TSPAN15: variants seen among roughly 807,000 people sequenced by gnomAD.
The protein encoded by TSPAN15 is tetraspanin 15.
In TSPAN15, 20 loss-of-function variants were observed where a neutral mutation model predicts 34.5. The observed-to-expected ratio is 0.58, with a 90% CI of 0.41 to 0.84. The LOEUF (loss-of-function observed/expected upper bound fraction) is 0.84, where lower values mean the gene tolerates loss of function less well. TSPAN15 is among the 40% of genes least tolerant of loss of function. The probability of loss-of-function intolerance (pLI) is 0.00; values close to 1 mark genes in which losing one functional copy is unlikely to be tolerated. For synonymous variants in TSPAN15, 155 were observed against 153.9 expected, an observed-to-expected ratio of 1.01 and a Z score of -0.05; for missense variants, 313 against 386.1, an observed-to-expected ratio of 0.81 and a Z score of 1.59.
chr10:69,474,410 G>T (rs891474297), intron 1 of TSPAN15, among the ~76,000 whole-genome samples: 1 of 152,132 alleles, frequency 6.6e-6, no homozygotes, highest in Non-Finnish European at 1.5e-5. Flanking sequence ...GATGGGCTCC[G>T]AAAGGCTGCC....
At chr10:69,522,582 T>A in the TSPAN15 span, among the ~76,000 whole-genome samples, 2 of 146,204 alleles carry the variant, frequency 1.4e-5, 1 homozygote, top group East Asian at 5.1e-4. Flanking sequence ...CAGCAGGAGG[T>A]GAGCAGCGGG....
chr10:69,456,049 T>C (rs1841100665), intron 1 of TSPAN15, among the ~76,000 whole-genome samples: 1 of 152,172 alleles, frequency 6.6e-6, no homozygotes, highest in South Asian at 2.1e-4. Flanking sequence ...GTGACACCAA[T>C]TGTAATATTA....
At chr10:69,543,853 GTGTGTGTGTGTGTGTGT>G in the TSPAN15 span, among the ~76,000 whole-genome samples, 1 of 88,466 alleles carries the variant, frequency 1.1e-5, no homozygotes, top group African/African-American at 5.0e-5. Flanking sequence ...GAGTGTGTGT[GTGTGTGTGTGTGTGTGT>G]GTGTGTGTGT....
chr10:69,494,574 C>A, intron 3 of TSPAN15: 1 of 941,362 alleles, frequency 1.1e-6, no homozygotes, highest in African/African-American at 1.8e-5. Flanking sequence ...TTTTGATTCT[C>A]AGAGCTCGAA....
chr10:69,478,845 T>C (rs536365725), intron 1 of TSPAN15, among the ~76,000 whole-genome samples: 1 of 152,318 alleles, frequency 6.6e-6, no homozygotes, highest in Admixed American at 6.5e-5. Flanking sequence ...AATTTTGAAG[T>C]AATGAGGAAT....
intron 1 of TSPAN15, among the ~76,000 whole-genome samples, chr10:69,480,683 C>A (rs1841715023): frequency 6.6e-6 from 1 of 152,004 alleles, no homozygotes; most frequent in Admixed American, 6.6e-5. Context: ...GGGGACTTGG[C>A]CTTTTTTTTC....
rs534498886 is a variant in TSPAN15, at chr10:69,473,114, C to T, written c.97-10577C>T. ...AGATATTCAGAAGTGGAGAGATATC[C>T]CTATAGCTGGGGTGATCCAGGAAGA... is the stretch of plus-strand genomic sequence containing the variant. On this transcript the variant is annotated intron_variant, in intron 1 of 7. Transcript: ENST00000373290. Among the ~76,000 whole-genome samples, 7 of 152,256 alleles carry T rather than the reference C, an allele frequency of 4.6e-5. No homozygotes were observed. In the East Asian group the frequency reaches 7.7e-4, roughly 17 times the overall value.
the TSPAN15 span, among the ~76,000 whole-genome samples, chr10:69,514,427 TG>T: frequency 6.6e-6 from 1 of 152,220 alleles, no homozygotes; most frequent in Non-Finnish European, 1.5e-5. Flanking sequence ...TTTGTAGAAT[TG>T]GTGGTATTTC....
chr10:69,500,423 A>G (rs192251904), intron 5 of TSPAN15, among the ~76,000 whole-genome samples: 35 of 152,294 alleles, frequency 2.3e-4, no homozygotes, highest in Non-Finnish European at 4.7e-4. Flanking sequence ...AAGAGGAAAG[A>G]GAGGGATTGA....
the TSPAN15 span, among the ~76,000 whole-genome samples, chr10:69,529,745 G>A: frequency 0.99 from 145,596 of 146,776 alleles, 72,294 homozygotes; most frequent in East Asian, 1. Flanking sequence ...TTTTGGTTAC[G>A]TGGATTAATT....
At chr10:69,479,182 G>A (rs142145735) in intron 1 of TSPAN15, among the ~76,000 whole-genome samples, 1 of 152,338 alleles carries the variant, frequency 6.6e-6, no homozygotes, top group Non-Finnish European at 1.5e-5. Context: ...GGTGAAAATG[G>A]GCCTTGCAGG....
At chr10:69,468,889 C>G (rs1049921043) in intron 1 of TSPAN15, among the ~76,000 whole-genome samples, 3 of 152,154 alleles carry the variant, frequency 2.0e-5, no homozygotes, top group Admixed American at 6.5e-5. Context: ...TGGCACAGAG[C>G]TCTTAAAACC....
At position 69,469,362 on chromosome 10, in the gene TSPAN15, T is replaced by C. The variant is rs148555421; in HGVS notation, c.97-14329T>C. On this transcript the variant is annotated intron_variant, in intron 1 of 7. Coordinates refer to ENST00000373290, the MANE Select transcript of TSPAN15 (RefSeq NM_012339.5). ...TTCTGTGAGCCATTCGCGCAAATTATCAAACTTGGAGAAGGGGTTGTGGGA... is the reference window on the plus strand; with the variant it reads ...TTCTGTGAGCCATTCGCGCAAATTACCAAACTTGGAGAAGGGGTTGTGGGA... Among the ~76,000 whole-genome samples the C allele has an allele frequency of 7.2e-5, 11 of 152,310 alleles. No individual in the cohort carries two copies. In the South Asian group the frequency reaches 8.3e-4, roughly 11 times the overall value.
the TSPAN15 span, among the ~76,000 whole-genome samples, chr10:69,543,255 G>C: frequency 0.21 from 31,882 of 152,030 alleles, 3,701 homozygotes; most frequent in East Asian, 0.31. Flanking sequence ...ATTCCAAAGG[G>C]GGGTAAGACA....
chr10:69,489,600 A>C (rs938307844), intron 3 of TSPAN15, among the ~76,000 whole-genome samples: 5 of 152,212 alleles, frequency 3.3e-5, no homozygotes, highest in Admixed American at 2.6e-4. Flanking sequence ...TAAGGATTAC[A>C]TGTTGGGTTC....
intron 1 of TSPAN15, among the ~76,000 whole-genome samples, chr10:69,475,318 G>T (rs1203521618): frequency 1.3e-5 from 2 of 152,120 alleles, no homozygotes; most frequent in Non-Finnish European, 2.9e-5. Context: ...CCATTTCTCA[G>T]ATTTATTCTC....
intron 1 of TSPAN15, among the ~76,000 whole-genome samples, chr10:69,476,916 C>A (rs1201966777): frequency 3.9e-5 from 6 of 151,962 alleles, no homozygotes. Flanking sequence ...GGCCGGTGCT[C>A]CCTAGGGGAG....
intron 1 of TSPAN15, among the ~76,000 whole-genome samples, chr10:69,459,170 T>A (rs10762297): frequency 1.4e-5 from 2 of 147,704 alleles, no homozygotes; most frequent in Non-Finnish European, 3.0e-5. Flanking sequence ...TAGATGTGAA[T>A]GGGTTTGAAT....
At chr10:69,491,599 G>T (rs943187653) in intron 3 of TSPAN15, among the ~76,000 whole-genome samples, 1 of 151,722 alleles carries the variant, frequency 6.6e-6, no homozygotes, top group African/African-American at 2.4e-5. Flanking sequence ...CTGGACTCAA[G>T]TAATCCTCCT....
Sources: allele counts gnomAD v4.1 joint callset (sites outside exome capture counted in the v4.1 genomes callset), GRCh38; gene constraint gnomAD v4.1.1; transcripts MANE v1.5; gene names NCBI Gene and HGNC (gene_info 2026-07-23, HGNC 2026-07-21).